Variants in CSMD1 observed in about 807,000 individuals in gnomAD.
CSMD1 encodes the protein CUB and sushi domain-containing protein 1.
In CSMD1, 213 loss-of-function variants were observed where a neutral mutation model predicts 417.5. The ratio of observed to expected loss-of-function variants is 0.51; its 90% CI spans 0.46 to 0.57. The LOEUF is 0.57. Ranked by LOEUF, CSMD1 falls within the 20% of genes least tolerant of loss-of-function variation. The pLI, the probability that CSMD1 is intolerant of heterozygous loss-of-function variation, is 0.00. For missense variants in CSMD1, 6,923 were observed against 4,529.7 expected (o/e 1.53, Z -15.17); for synonymous variants, 2,862 against 1,736.8 (o/e 1.65, Z -16.11).
intron 3 of CSMD1, among the ~76,000 whole-genome samples, chr8:4,284,356 G>C (rs1345833161): frequency 6.6e-6 from 1 of 151,758 alleles, no homozygotes; most frequent in African/African-American, 2.4e-5. Context: ...GGACAAGAGA[G>C]AAACTACAAC....
At chr8:4,442,318 T>A (rs149337991) in intron 2 of CSMD1, among the ~76,000 whole-genome samples, 1 of 152,110 alleles carries the variant, frequency 6.6e-6, no homozygotes. Context: ...GAACACAAAG[T>A]ATAAAGTAGA....
chr8:3,666,601 C>G (rs545165860), intron 7 of CSMD1, among the ~76,000 whole-genome samples: 3 of 152,100 alleles, frequency 2.0e-5, no homozygotes, highest in Non-Finnish European at 4.4e-5. Context: ...TCCCATAACT[C>G]CCATGTGTTG....
intron 2 of CSMD1, among the ~76,000 whole-genome samples, chr8:4,619,269 G>C (rs952477407): frequency 6.6e-6 from 1 of 152,180 alleles, no homozygotes; most frequent in Middle Eastern, 3.4e-3. Flanking sequence ...TTTAAATGCT[G>C]TTAAATAAAT....
At chr8:4,112,285 T>C (rs1166118327) in intron 3 of CSMD1, among the ~76,000 whole-genome samples, 1 of 152,202 alleles carries the variant, frequency 6.6e-6, no homozygotes, top group African/African-American at 2.4e-5. Flanking sequence ...TACACCTTTC[T>C]GTGCCTGCTC....
chr8:4,544,517 C>T (rs969464025), intron 2 of CSMD1, among the ~76,000 whole-genome samples: 10 of 151,940 alleles, frequency 6.6e-5, no homozygotes, highest in Non-Finnish European at 1.0e-4. Context: ...CATTGGGATC[C>T]ACTGCTGACT....
chr8:4,962,061 A>T (rs550967270), intron 1 of CSMD1, among the ~76,000 whole-genome samples: 4 of 151,066 alleles, frequency 2.6e-5, no homozygotes, highest in Non-Finnish European at 2.9e-5. Flanking sequence ...TTACTCCATT[A>T]TATCTATTTT....
At chr8:3,446,052 A>C (rs1471515329) in intron 12 of CSMD1, among the ~76,000 whole-genome samples, 1 of 152,232 alleles carries the variant, frequency 6.6e-6, no homozygotes, top group African/African-American at 2.4e-5. Context: ...ATTTTTGACA[A>C]GAAGGTGAAC....
At chr8:3,367,942 G>C (rs958598527) in intron 19 of CSMD1, among the ~76,000 whole-genome samples, 1 of 152,108 alleles carries the variant, frequency 6.6e-6, no homozygotes, top group African/African-American at 2.4e-5. Flanking sequence ...GTGTCCTTTA[G>C]AAAAATCTTA....
At chr8:4,233,941 C>T (rs960168438) in intron 3 of CSMD1, among the ~76,000 whole-genome samples, 1 of 149,344 alleles carries the variant, frequency 6.7e-6, no homozygotes, top group Non-Finnish European at 1.5e-5. Flanking sequence ...TGAGGTGAGA[C>T]TAATGCATGG....
chr8:4,073,700 A>G (rs1799677068), intron 3 of CSMD1, among the ~76,000 whole-genome samples: 1 of 152,174 alleles, frequency 6.6e-6, no homozygotes, highest in African/African-American at 2.4e-5. Flanking sequence ...GTAACTCACC[A>G]ACATGCAAAT....
At chr8:3,698,570 T>C (rs1179261471) in intron 7 of CSMD1, among the ~76,000 whole-genome samples, 16 of 152,244 alleles carry the variant, frequency 1.1e-4, no homozygotes. Context: ...GAAATCACTC[T>C]GGCCTACTAC....
chr8:4,046,389 T>G (rs970160964), intron 3 of CSMD1, among the ~76,000 whole-genome samples: 1 of 152,208 alleles, frequency 6.6e-6, no homozygotes, highest in Non-Finnish European at 1.5e-5. Flanking sequence ...ATTAGTATAT[T>G]ACAAATCCAT....
intron 26 of CSMD1, among the ~76,000 whole-genome samples, chr8:3,268,289 ATTTTT>A (rs1163842745): frequency 1.9e-4 from 16 of 84,300 alleles, no homozygotes; most frequent in East Asian, 7.0e-4. Context: ...TTCATTTCCT[ATTTTT>A]TTTTTTTTTT....
intron 15 of CSMD1, among the ~76,000 whole-genome samples, chr8:3,402,325 G>C (rs1306597053): frequency 1.3e-5 from 2 of 151,168 alleles, no homozygotes; most frequent in East Asian, 1.9e-4. Context: ...AGTCATTTTT[G>C]GTATTTTATC....
chr8:3,775,619 G>A (rs775667069), intron 5 of CSMD1, among the ~76,000 whole-genome samples: 2 of 152,152 alleles, frequency 1.3e-5, no homozygotes. Flanking sequence ...TAAATTGTTG[G>A]GACTCATGTG....
rs556964150 is a variant in CSMD1, at chr8:3,295,184, G to C, written c.3951-10838C>G. Among the ~76,000 whole-genome samples, 25 of 152,060 alleles carry C rather than the reference G, an allele frequency of 1.6e-4. No individual in the cohort carries two copies. In the East Asian group the frequency reaches 4.6e-3, roughly 28 times the overall value. ...TTGTTGCCCAGGTTGGAGTGCAGTG[G>C]TGTGATCTTGGCTCACTGGAAGCTC... is the stretch of plus-strand genomic sequence containing the variant. On this transcript the variant is annotated intron_variant, in intron 25 of 69. Transcript: ENST00000635120.
intron 1 of CSMD1, among the ~76,000 whole-genome samples, chr8:4,662,212 A>T (rs1260816249): frequency 2.6e-5 from 4 of 152,168 alleles, no homozygotes; most frequent in African/African-American, 9.6e-5. Flanking sequence ...ACATGTTTGC[A>T]AAGTTATGCT....
intron 5 of CSMD1, among the ~76,000 whole-genome samples, chr8:3,957,721 AAAAGG>A (rs1306137100): frequency 1.3e-5 from 2 of 151,814 alleles, no homozygotes; most frequent in Non-Finnish European, 2.9e-5. Flanking sequence ...AGAGAAAAGA[AAAAGG>A]AAAAGAAATG....
intron 4 of CSMD1, among the ~76,000 whole-genome samples, chr8:4,003,342 G>C (rs1019225074): frequency 3.3e-5 from 5 of 152,022 alleles, no homozygotes; most frequent in Non-Finnish European, 5.9e-5. Context: ...GCAGTGAGCA[G>C]AGATTGCCCT....
Sources: allele counts gnomAD v4.1 joint callset (sites outside exome capture counted in the v4.1 genomes callset), GRCh38; gene constraint gnomAD v4.1.1; transcripts MANE v1.5; gene names NCBI Gene and HGNC (gene_info 2026-07-23, HGNC 2026-07-21).